Variants in RAB6A observed in about 807,000 individuals in gnomAD.
RAB6A encodes ras-related protein Rab-6A.
RAB6A carries 8 observed loss-of-function variants against 32.3 expected under a neutral mutation model. The observed-to-expected ratio is 0.25, with a 90% CI of 0.15 to 0.45. The LOEUF is 0.45. RAB6A is among the 20% of genes least tolerant of loss of function. The pLI is 1.00. For synonymous variants in RAB6A, 73 were observed against 82.1 expected (o/e 0.89, Z 0.60); for missense variants, 104 against 249.4 (o/e 0.42, Z 3.93).
At chr11:73,684,203 C>CTG (rs1945405147) in intron 6 of RAB6A, among the ~76,000 whole-genome samples, 2 of 139,628 alleles carry the variant, frequency 1.4e-5, no homozygotes, top group Admixed American at 7.4e-5. Flanking sequence ...GTTTTGCTAT[C>CTG]TGTCCCCCAG....
intron 2 of RAB6A, among the ~76,000 whole-genome samples, chr11:73,723,516 G>A (rs150736151): frequency 7.9e-5 from 12 of 151,782 alleles, no homozygotes; most frequent in Non-Finnish European, 1.3e-4. Context: ...TAGTAGAGAC[G>A]GGGTTTCACT....
chr11:73,733,725 A>G (rs891545486), intron 1 of RAB6A, among the ~76,000 whole-genome samples: 3 of 151,968 alleles, frequency 2.0e-5, no homozygotes, highest in African/African-American at 7.2e-5. Context: ...AAGAATATAT[A>G]CTCTGTAATT....
intron 1 of RAB6A, among the ~76,000 whole-genome samples, chr11:73,757,128 T>C (rs1946770804): frequency 7.4e-5 from 3 of 40,758 alleles, no homozygotes; most frequent in Non-Finnish European, 1.2e-4. Flanking sequence ...TATATATATA[T>C]ATTTTTTTTT....
chr11:73,746,490 AGAGT>A lies in RAB6A; in HGVS notation c.70+14072_70+14075del, dbSNP rs141544245. Among the ~76,000 whole-genome samples the A allele has an allele frequency of 5.5e-3, 836 of 152,220 alleles. 6 individuals are homozygous for A. The highest frequency in any genetic ancestry group is 0.017 in the African/African-American group (710 of 41,536). Reference sequence around the variant, plus strand: ...GCCACTACACTCCAGCCTAGGTGACAGAGTGAGACTCTGTCTCTTAAAAAAAACC... The same window carrying A: ...GCCACTACACTCCAGCCTAGGTGACAGAGACTCTGTCTCTTAAAAAAAACC... On this transcript the variant is annotated intron_variant, in intron 1 of 7. Transcript: ENST00000336083.
chr11:73,679,802 C>G, intron 6 of RAB6A, 82 bp from the exon 7 acceptor site: 1 of 1,564,090 alleles, frequency 6.4e-7, no homozygotes. Flanking sequence ...GTACAGTGAG[C>G]TGTCTAATGC....
At chr11:73,719,526 C>A (rs532659703) in intron 3 of RAB6A, among the ~76,000 whole-genome samples, 1 of 152,080 alleles carries the variant, frequency 6.6e-6, no homozygotes, top group South Asian at 2.1e-4. Context: ...AATGTCTTTA[C>A]GTACTATCCA....
At chr11:73,686,032 G>A (rs1031787035) in intron 6 of RAB6A, among the ~76,000 whole-genome samples, 1 of 151,902 alleles carries the variant, frequency 6.6e-6, no homozygotes, top group African/African-American at 2.4e-5. Flanking sequence ...TCTAGGACTA[G>A]AACAAAACAC....
At chr11:73,693,431 G>C (rs751968212) in intron 6 of RAB6A, among the ~76,000 whole-genome samples, 12 of 151,936 alleles carry the variant, frequency 7.9e-5, no homozygotes, top group Non-Finnish European at 1.6e-4. Flanking sequence ...TGTGTTTAAA[G>C]AAAGCAACAG....
chr11:73,727,873 T>A (rs1041850367), intron 2 of RAB6A, among the ~76,000 whole-genome samples: 1 of 152,122 alleles, frequency 6.6e-6, no homozygotes, highest in Non-Finnish European at 1.5e-5. Context: ...TGAAATCAAG[T>A]TTTTTTCTTT....
At chr11:73,690,893 T>A (rs916583083) in intron 6 of RAB6A, among the ~76,000 whole-genome samples, 7 of 143,466 alleles carry the variant, frequency 4.9e-5, no homozygotes, top group South Asian at 2.2e-4. Flanking sequence ...TAGGAAACAT[T>A]AAAAAAAAAA....
intron 6 of RAB6A, among the ~76,000 whole-genome samples, chr11:73,699,830 C>T (rs1945713470): frequency 6.6e-6 from 1 of 152,140 alleles, no homozygotes; most frequent in South Asian, 2.1e-4. Flanking sequence ...CTGCTATAAG[C>T]CAACTGTGGT....
chr11:73,739,282 A>AT (rs1289309364), intron 1 of RAB6A, among the ~76,000 whole-genome samples: 70 of 15,306 alleles, frequency 4.6e-3, no homozygotes, highest in East Asian at 0.018. Flanking sequence ...AAAAAAAAAA[A>AT]AAATATATAT....
intron 5 of RAB6A, among the ~76,000 whole-genome samples, chr11:73,715,043 G>A (rs1946032613): frequency 6.6e-6 from 1 of 152,108 alleles, no homozygotes; most frequent in African/African-American, 2.4e-5. Flanking sequence ...AGCAGTTCAT[G>A]TCCAAAACAT....
Position 73,715,091 on chromosome 11 carries a change from C to A in RAB6A, c.401+1160G>T, listed in dbSNP as rs199994392. On this transcript the variant is annotated intron_variant, in intron 5 of 7. Coordinates refer to ENST00000336083, the MANE Select transcript of RAB6A (RefSeq NM_198896.2). ...AAAAGATGCAATCACTTTGAATTTA[C>A]TTTTAAATTAAGAAAGACTTTTTTG... 3.3e-5 allele frequency among the ~76,000 whole-genome samples: 5 copies of A among 152,226 alleles called. 1 individual carries two copies. In the East Asian group the frequency reaches 9.6e-4, roughly 29 times the overall value.
chr11:73,752,839 A>T (rs1015049400), intron 1 of RAB6A, among the ~76,000 whole-genome samples: 3 of 152,184 alleles, frequency 2.0e-5, no homozygotes, highest in East Asian at 1.9e-4. Context: ...AAAAAAAATT[A>T]AAATGATAGC....
chr11:73,679,751 G>C (rs1223773222), intron 6 of RAB6A, 31 bp from the exon 7 acceptor site: 1 of 1,612,818 alleles, frequency 6.2e-7, no homozygotes, highest in Non-Finnish European at 8.5e-7. Context: ...TGATAACTGA[G>C]AGGGAACATT....
At chr11:73,710,525 G>C (rs2134928496) in intron 5 of RAB6A, among the ~76,000 whole-genome samples, 1 of 151,760 alleles carries the variant, frequency 6.6e-6, no homozygotes, top group East Asian at 2.0e-4. Flanking sequence ...ATCATTTGAG[G>C]TCAGAGTTCA....
At chr11:73,710,868 C>G (rs1945947072) in intron 5 of RAB6A, among the ~76,000 whole-genome samples, 1 of 151,934 alleles carries the variant, frequency 6.6e-6, no homozygotes, top group South Asian at 2.1e-4. Context: ...TCTGCCTCAG[C>G]TTCCTTTGGG....
chr11:73,724,427 T>C (rs1256985921), intron 2 of RAB6A, among the ~76,000 whole-genome samples: 2 of 152,056 alleles, frequency 1.3e-5, no homozygotes, highest in African/African-American at 4.8e-5. Context: ...AGCTAGGTAG[T>C]ACTATAAAGG....
Sources: allele counts gnomAD v4.1 joint callset (sites outside exome capture counted in the v4.1 genomes callset), GRCh38; gene constraint gnomAD v4.1.1; transcripts MANE v1.5; gene names NCBI Gene and HGNC (gene_info 2026-07-23, HGNC 2026-07-21).